The following MSRB3 variants were observed in gnomAD, a reference collection of about 807,000 sequenced individuals.
The protein encoded by MSRB3 is methionine-R-sulfoxide reductase B3.
In MSRB3, 13 loss-of-function variants were observed where a neutral mutation model predicts 21.0. That is an observed-to-expected ratio of 0.62 (90% CI 0.40 to 0.98). The LOEUF (loss-of-function observed/expected upper bound fraction) is 0.98. MSRB3 is among the 50% of genes least tolerant of loss of function. MSRB3 has a pLI of 0.00. For synonymous variants in MSRB3, 87 were observed against 88.6 expected (o/e 0.98, Z 0.10); for missense variants, 199 against 230.3 (o/e 0.86, Z 0.88).
chr12:65,300,608 A>G (rs2136410405), intron 1 of MSRB3, among the ~76,000 whole-genome samples: 1 of 152,354 alleles, frequency 6.6e-6, no homozygotes, highest in East Asian at 1.9e-4. Context: ...CTGGCCATTT[A>G]ACCTCAAGCA....
chr12:65,460,332 G>A (rs1013318254), intron 6 of MSRB3, among the ~76,000 whole-genome samples: 3 of 152,178 alleles, frequency 2.0e-5, no homozygotes, highest in Admixed American at 6.5e-5. Flanking sequence ...GGCTCCGTGC[G>A]CGTACTCTCA....
chr12:65,419,107 G>T, intron 5 of MSRB3: 1 of 686,800 alleles, frequency 1.5e-6, no homozygotes, highest in Non-Finnish European at 2.7e-6. Flanking sequence ...CGAGGACTGG[G>T]CTGTATGTTA....
chr12:65,278,821 G>A lies in MSRB3; in HGVS notation c.-96G>A, dbSNP rs377713148. ...CCCCTCTCGCTCTGCCTCTCCCTCT[G>A]CCTCTGCCTCTGCCTGGCCGCGGCT... On this transcript the variant is annotated 5_prime_UTR_variant, in exon 1 of 7. Coordinates refer to ENST00000308259, the MANE Select transcript of MSRB3 (RefSeq NM_001031679.3). 2.2e-5 allele frequency: 35 copies of A among 1,565,356 alleles called. No individual in the cohort carries two copies. The South Asian group carries it at 3.9e-4, about 17-fold the overall frequency.
intron 5 of MSRB3, among the ~76,000 whole-genome samples, chr12:65,401,922 A>G (rs1349885214): frequency 6.6e-6 from 1 of 152,194 alleles, no homozygotes; most frequent in Admixed American, 6.5e-5. Context: ...TTTCTTTAAG[A>G]ATGTTGAATA....
At chr12:65,292,345 A>G (rs1337578747) in intron 1 of MSRB3, among the ~76,000 whole-genome samples, 2 of 152,178 alleles carry the variant, frequency 1.3e-5, no homozygotes, top group Non-Finnish European at 2.9e-5. Flanking sequence ...CACATAGGTT[A>G]TTGTAATCAT....
At chr12:65,418,329 C>T (rs187502398) in intron 5 of MSRB3, among the ~76,000 whole-genome samples, 20 of 152,116 alleles carry the variant, frequency 1.3e-4, no homozygotes, top group Admixed American at 5.9e-4. Flanking sequence ...GTCCTTTGCC[C>T]GTTTTTAAAT....
intron 6 of MSRB3, among the ~76,000 whole-genome samples, chr12:65,461,047 A>T (rs1883307348): frequency 6.7e-6 from 1 of 149,986 alleles, no homozygotes. Flanking sequence ...TATTTTTCCC[A>T]GATAGCTGCA....
At chr12:65,338,972 G>A (rs1053201884) in intron 4 of MSRB3, among the ~76,000 whole-genome samples, 1 of 152,180 alleles carries the variant, frequency 6.6e-6, no homozygotes, top group Non-Finnish European at 1.5e-5. Flanking sequence ...AGTTACTTGG[G>A]AGGCTGAAGC....
At chr12:65,307,676 C>T (rs1247454408) in intron 1 of MSRB3, among the ~76,000 whole-genome samples, 1 of 152,040 alleles carries the variant, frequency 6.6e-6, no homozygotes, top group Non-Finnish European at 1.5e-5. Context: ...TTGAACTTTT[C>T]TCTAAAGTTT....
intron 2 of MSRB3, among the ~76,000 whole-genome samples, chr12:65,313,077 G>A (rs1874079113): frequency 6.6e-6 from 1 of 152,064 alleles, no homozygotes; most frequent in African/African-American, 2.4e-5. Context: ...ATCCAGAATT[G>A]CTTTTACCTT....
intron 4 of MSRB3, among the ~76,000 whole-genome samples, chr12:65,368,191 A>G (rs915602670): frequency 3.9e-5 from 6 of 152,202 alleles, no homozygotes; most frequent in Non-Finnish European, 7.3e-5. Flanking sequence ...TGTCAATGTA[A>G]CATCCTTTTA....
Position 65,439,675 on chromosome 12 carries a change from C to A in MSRB3, c.293-14053C>A, listed in dbSNP as rs371193485. Among the ~76,000 whole-genome samples the A allele has an allele frequency of 4.0e-5, 6 of 151,074 alleles. No homozygotes were observed. In the East Asian group the frequency reaches 1.2e-3, roughly 29 times the overall value. ...AAAGGAAATGTTGTAATCTTGAATA[C>A]CTTCATTATTATAGAAAAAAGATGA... is the stretch of plus-strand genomic sequence containing the variant. On this transcript the variant is annotated intron_variant, in intron 5 of 6. Coordinates refer to ENST00000308259, the MANE Select transcript of MSRB3 (RefSeq NM_001031679.3).
intron 5 of MSRB3, among the ~76,000 whole-genome samples, chr12:65,403,162 C>T (rs978756778): frequency 4.6e-5 from 7 of 152,234 alleles, no homozygotes; most frequent in Non-Finnish European, 7.3e-5. Flanking sequence ...CTCTTCAGAG[C>T]TGGCAGGCAG....
At chr12:65,380,822 G>A (rs576155036) in intron 5 of MSRB3, among the ~76,000 whole-genome samples, 1 of 152,144 alleles carries the variant, frequency 6.6e-6, no homozygotes, top group East Asian at 1.9e-4. Context: ...ACAGAACTGG[G>A]ATTTGATCCT....
intron 5 of MSRB3, among the ~76,000 whole-genome samples, chr12:65,375,555 G>A (rs924145758): frequency 3.3e-5 from 5 of 152,064 alleles, no homozygotes; most frequent in Non-Finnish European, 7.4e-5. Flanking sequence ...TCCTGCCTCA[G>A]TCTCCCAAAT....
At chr12:65,357,946 C>A (rs1877484732) in intron 4 of MSRB3, among the ~76,000 whole-genome samples, 1 of 151,882 alleles carries the variant, frequency 6.6e-6, no homozygotes, top group Admixed American at 6.6e-5. Flanking sequence ...TTTTTCCCCT[C>A]CTTTTCCTAG....
chr12:65,430,642 C>G (rs866340369), intron 5 of MSRB3, among the ~76,000 whole-genome samples: 12 of 152,038 alleles, frequency 7.9e-5, no homozygotes, highest in Non-Finnish European at 4.4e-5. Flanking sequence ...TTGTTAATTT[C>G]CTCAGGAAAA....
chr12:65,401,563 A>T (rs770710149), intron 5 of MSRB3, among the ~76,000 whole-genome samples: 4 of 152,148 alleles, frequency 2.6e-5, no homozygotes, highest in Admixed American at 1.3e-4. Flanking sequence ...CTCTTTATCC[A>T]ATTTGCTAGT....
In MSRB3 at chr12:65,278,695, G is replaced by T; in HGVS notation, c.-222G>T. Reference sequence around the variant, plus strand: ...GGAATTTCCCGTCATGCCTCCCGCCGCCCCGTCCGTCGCCCGGAGCCGGGG... The same window carrying T: ...GGAATTTCCCGTCATGCCTCCCGCCTCCCCGTCCGTCGCCCGGAGCCGGGG... On this transcript the variant is annotated 5_prime_UTR_variant, in exon 1 of 7. Transcript: ENST00000308259. 1.5e-6 allele frequency: 2 copies of T among 1,322,192 alleles called. No homozygotes were observed. The highest frequency in any genetic ancestry group is 2.5e-5 in the East Asian group (1 of 40,294). 81.9% of individuals were successfully genotyped at this position (1,322,192 alleles called of 1,614,324 possible).
Sources: allele counts gnomAD v4.1 joint callset (sites outside exome capture counted in the v4.1 genomes callset), GRCh38; gene constraint gnomAD v4.1.1; transcripts MANE v1.5; gene names NCBI Gene and HGNC (gene_info 2026-07-23, HGNC 2026-07-21).